Variants in CLSTN1 observed in about 807,000 individuals in gnomAD.
The protein encoded by CLSTN1 is calsyntenin-1.
CLSTN1 carries 28 observed loss-of-function variants against 108.3 expected under a neutral mutation model. The observed-to-expected ratio is 0.26, with a 90% CI of 0.19 to 0.35. The LOEUF is 0.35. Among genes scored for constraint, CLSTN1 ranks in the 10% least tolerant of loss-of-function variants. The pLI is 1.00. For missense variants in CLSTN1, 1,157 were observed against 1,302.6 expected, an observed-to-expected ratio of 0.89 and a Z score of 1.72; for synonymous variants, 524 against 534.9, an observed-to-expected ratio of 0.98 and a Z score of 0.28.
At chr1:9,783,316 C>T (rs967277648) in intron 1 of CLSTN1, among the ~76,000 whole-genome samples, 12 of 152,140 alleles carry the variant, frequency 7.9e-5, no homozygotes, top group African/African-American at 2.9e-4. Context: ...CAGTGGCTCA[C>T]ACCCATAATC....
At chr1:9,824,457 C>T (rs1007496483), upstream of CLSTN1, 11 of 152,208 alleles carry the variant, frequency 7.2e-5, no homozygotes, top group African/African-American at 2.7e-4. The surrounding 1 kb of genome is among the most constrained non-coding windows in gnomAD (Gnocchi z 5.0). Flanking sequence ...GCGTCGCCCC[C>T]CAGAACCTCG....
intron 1 of CLSTN1, among the ~76,000 whole-genome samples, chr1:9,791,121 AAC>A (rs1419654987): frequency 1.4e-5 from 2 of 147,194 alleles, no homozygotes; most frequent in East Asian, 4.1e-4. Flanking sequence ...CAGCCTGGGC[AAC>A]AGAGTGAGAC....
Position 9,749,898 on chromosome 1 carries a change from G to T in CLSTN1, c.665C>A (p.Thr222Lys), listed in dbSNP as rs764413464. 1.6e-5 allele frequency: 26 copies of T among 1,613,700 alleles called. No homozygotes were observed. Among genetic ancestry groups the T allele is most frequent in the Non-Finnish European group, 2.1e-5 (25 of 1,179,878 alleles). ...TTCTTTCCCGTAGTTTAATTTCTCT[G>T]TGTTTTTTATATAACCTTACAGAGG... The part of the protein sequence containing the change: ...TVDKDGYIKN[T>K]EKLNYGKEHQ... The change falls in exon 6 of 19, where the codon ACA becomes AAA. Residue 222 changes from threonine (T) to lysine (K), a missense_variant. Transcript: ENST00000377298.
chr1:9,753,801 C>T (rs1250369747), intron 4 of CLSTN1, among the ~76,000 whole-genome samples: 1 of 152,062 alleles, frequency 6.6e-6, no homozygotes, highest in Non-Finnish European at 1.5e-5. Context: ...GCCACCGTGC[C>T]TGGCCAATTT....
At chr1:9,785,670 C>G (rs1653453942) in intron 1 of CLSTN1, among the ~76,000 whole-genome samples, 1 of 152,160 alleles carries the variant, frequency 6.6e-6, no homozygotes, top group Non-Finnish European at 1.5e-5. Flanking sequence ...CTCCTCCCTC[C>G]TCCCTTGAGA....
intron 1 of CLSTN1, among the ~76,000 whole-genome samples, chr1:9,773,902 T>G (rs953415574): frequency 4.0e-5 from 6 of 150,588 alleles, no homozygotes; most frequent in Non-Finnish European, 7.4e-5. Context: ...TTGACTTATT[T>G]TTTTTTTTTT....
At chr1:9,820,238 G>A (rs1655140608) in intron 1 of CLSTN1, among the ~76,000 whole-genome samples, 1 of 151,998 alleles carries the variant, frequency 6.6e-6, no homozygotes, top group Non-Finnish European at 1.5e-5. Context: ...TTTAAGTTTG[G>A]GCCGGGTGCA....
chr1:9,798,391 C>T (rs1398414335), intron 1 of CLSTN1, among the ~76,000 whole-genome samples: 2 of 152,052 alleles, frequency 1.3e-5, no homozygotes, highest in Admixed American at 6.6e-5. Flanking sequence ...AACAAGGAAC[C>T]ATAAAAGGAA....
chr1:9,748,265 C>T (rs928268198), intron 7 of CLSTN1, among the ~76,000 whole-genome samples: 1 of 152,102 alleles, frequency 6.6e-6, no homozygotes, highest in Non-Finnish European at 1.5e-5. Flanking sequence ...GACAGCCATC[C>T]ATACCTCACC....
Position 9,749,613 on chromosome 1 carries a change from G to A in CLSTN1, c.833C>T (p.Thr278Ile). Residue 278 changes from threonine (T) to isoleucine (I), a missense_variant, in exon 7 of 19, where the codon ACC becomes ATC. Transcript: ENST00000377298. ...ATTTGGAAAGACGGCCAACGCGCCG[G>A]TGCCCGGCTCATACTCAATCCTGTT... ...WNNRIEYEPG[T>I]GALAVFPNIH... 1 of 1,614,210 alleles carries A rather than the reference G, an allele frequency of 6.2e-7. No individual in the cohort carries two copies. Among genetic ancestry groups the A allele is most frequent in the Non-Finnish European group, 8.5e-7 (1 of 1,180,020 alleles).
chr1:9,824,222 C>G (rs1233939312), upstream of CLSTN1: 4 of 150,270 alleles, frequency 2.7e-5, no homozygotes, highest in Non-Finnish European at 5.9e-5. This position sits in a 1 kb window ranked among gnomAD's most constrained non-coding sequence, Gnocchi z 5.0. Context: ...TCCGAGCGGC[C>G]GGGAGGGGCC....
In CLSTN1 at chr1:9,735,972, G is replaced by C; in HGVS notation, c.1647C>G (p.Leu549=). Residue 549 remains leucine, a synonymous_variant, in exon 12 of 19, where the codon CTC becomes CTG. Coordinates refer to ENST00000377298, the MANE Select transcript of CLSTN1 (RefSeq NM_001009566.3). ...GACAGTCGATCACCTTCTTATCCGC[G>C]AGTTTCCCGGAACGGAGAGTTAAGC... The part of the protein sequence containing the change: ...LAGLTLRSGK[L]ADKKVIDCLY... 1.2e-6 allele frequency: 2 copies of C among 1,614,144 alleles called. No homozygotes were observed. Among genetic ancestry groups the C allele is most frequent in the Non-Finnish European group, 1.7e-6 (2 of 1,180,044 alleles).
rs373848380 is a variant in CLSTN1, at chr1:9,788,844, G to A, written c.92-15450C>T. On this transcript the variant is annotated intron_variant, in intron 1 of 18. Coordinates refer to ENST00000377298, the MANE Select transcript of CLSTN1 (RefSeq NM_001009566.3). ...GATCACGCCACTGCACTCCAAGCTGGGCGACAGAGCGAGACTCCGTCTCAA... is the reference window on the plus strand; with the variant it reads ...GATCACGCCACTGCACTCCAAGCTGAGCGACAGAGCGAGACTCCGTCTCAA... Among the ~76,000 whole-genome samples the A allele has an allele frequency of 2.7e-4, 40 of 147,598 alleles. 2 individuals are homozygous for A. The East Asian group carries it at 4.6e-3, about 17-fold the overall frequency.
At chr1:9,763,748 C>T (rs1048860452) in intron 2 of CLSTN1, among the ~76,000 whole-genome samples, 4 of 152,294 alleles carry the variant, frequency 2.6e-5, no homozygotes, top group Non-Finnish European at 5.9e-5. Flanking sequence ...CTATACCCCA[C>T]GCCACACAAG....
At chr1:9,731,428 G>C (rs112762219) in intron 17 of CLSTN1, 38 bp from the exon 18 acceptor site, 2 of 1,600,004 alleles carry the variant, frequency 1.3e-6, no homozygotes, top group South Asian at 1.1e-5. Context: ...GAGGTCACTC[G>C]GCCCAGAAGG....
In CLSTN1 at chr1:9,744,432, C is replaced by T; in HGVS notation, c.1197G>A (p.Arg399=). 6.2e-7 allele frequency: 1 copy of T among 1,610,590 alleles called. No homozygotes were observed. Among genetic ancestry groups the T allele is most frequent in the Non-Finnish European group, 8.5e-7 (1 of 1,179,972 alleles). ...SVWMRHGPFG[R]KKETILCSSD... Reference sequence around the variant, plus strand: ...AACTGCAAAGAATTGTCTCCTTCTTCCTGCCGAATGGCCCATGTCTCATCC... The same window carrying T: ...AACTGCAAAGAATTGTCTCCTTCTTTCTGCCGAATGGCCCATGTCTCATCC... The change falls in exon 8 of 19, where the codon AGG becomes AGA. Residue 399 remains arginine (R), a synonymous_variant. Coordinates refer to ENST00000377298, the MANE Select transcript of CLSTN1 (RefSeq NM_001009566.3).
At chr1:9,763,413 C>A (rs1184618034) in intron 2 of CLSTN1, among the ~76,000 whole-genome samples, 1 of 152,198 alleles carries the variant, frequency 6.6e-6, no homozygotes, top group Non-Finnish European at 1.5e-5. Context: ...AAGCTCCATC[C>A]CCAGAAATTC....
intron 8 of CLSTN1, 107 bp downstream of exon 8, chr1:9,744,288 G>T: frequency 1.4e-6 from 2 of 1,457,588 alleles, no homozygotes; most frequent in Non-Finnish European, 1.8e-6. Context: ...CATGGCCTAC[G>T]AGCACCAGGC....
chr1:9,785,332 T>C (rs1247813141), intron 1 of CLSTN1, among the ~76,000 whole-genome samples: 1 of 151,938 alleles, frequency 6.6e-6, no homozygotes, highest in East Asian at 1.9e-4. Flanking sequence ...TTAATTACTC[T>C]TATTTTTTTT....
Sources: gnomAD v4.1 joint callset for allele counts (sites outside exome capture counted in the v4.1 genomes callset) on GRCh38, gnomAD v4.1.1 for gene constraint, Gnocchi (gnomAD v3.1) non-coding constraint, MANE v1.5 for transcripts, NCBI Gene and HGNC (gene_info 2026-07-23, HGNC 2026-07-21) for gene names.